Variants in NLGN1 observed in about 807,000 individuals in gnomAD.
NLGN1 encodes the protein neuroligin 1.
NLGN1 carries 12 observed loss-of-function variants against 65.5 expected under a neutral mutation model. The observed-to-expected ratio is 0.18, with a 90% CI of 0.12 to 0.30. The LOEUF is 0.30. Among genes scored for constraint, NLGN1 ranks in the 10% least tolerant of loss-of-function variants. The probability of loss-of-function intolerance (pLI) is 1.00; values close to 1 mark genes in which losing one functional copy is unlikely to be tolerated. For synonymous variants in NLGN1, 350 were observed against 359.5 expected, an observed-to-expected ratio of 0.97 and a Z score of 0.30; for missense variants, 750 against 1,007.1, an observed-to-expected ratio of 0.74 and a Z score of 3.46.
At chr3:173,811,734 A>G (rs1217993355) in intron 4 of NLGN1, among the ~76,000 whole-genome samples, 1 of 152,122 alleles carries the variant, frequency 6.6e-6, no homozygotes, top group East Asian at 1.9e-4. Flanking sequence ...TAAGAATTGA[A>G]AGAGAATATA....
intron 2 of NLGN1, among the ~76,000 whole-genome samples, chr3:173,484,615 G>T (rs1727855688): frequency 6.6e-6 from 1 of 151,940 alleles, no homozygotes; most frequent in African/African-American, 2.4e-5. Context: ...AACTCTAAAA[G>T]GAGAATGAAG....
chr3:174,244,387 C>G (rs536525989), intron 4 of NLGN1, among the ~76,000 whole-genome samples: 1 of 152,094 alleles, frequency 6.6e-6, no homozygotes, highest in East Asian at 1.9e-4. Flanking sequence ...TTTGGGAAAA[C>G]AGTAATTAAG....
chr3:173,870,827 G>A (rs972667990), intron 4 of NLGN1, among the ~76,000 whole-genome samples: 1 of 152,136 alleles, frequency 6.6e-6, no homozygotes, highest in Non-Finnish European at 1.5e-5. Flanking sequence ...CTATTGTGAA[G>A]TCCTGGTGCA....
intron 2 of NLGN1, among the ~76,000 whole-genome samples, chr3:173,462,737 A>G (rs1313112868): frequency 6.6e-6 from 1 of 152,136 alleles, no homozygotes; most frequent in East Asian, 1.9e-4. Flanking sequence ...TTTTGCATGC[A>G]GTGGTTATTA....
chr3:174,266,871 C>T (rs1748354467), intron 4 of NLGN1, among the ~76,000 whole-genome samples: 2 of 151,906 alleles, frequency 1.3e-5, no homozygotes, highest in African/African-American at 4.8e-5. Flanking sequence ...TTCTTGACTT[C>T]ATTTTTTTCA....
chr3:174,264,240 GAT>G (rs1168270080), intron 4 of NLGN1, among the ~76,000 whole-genome samples: 1 of 151,630 alleles, frequency 6.6e-6, no homozygotes, highest in East Asian at 1.9e-4. Flanking sequence ...TGCCTTGCTA[GAT>G]TGGGAAGTTC....
chr3:173,996,759 A>G (rs1373071513), intron 4 of NLGN1, among the ~76,000 whole-genome samples: 1 of 152,224 alleles, frequency 6.6e-6, no homozygotes, highest in Non-Finnish European at 1.5e-5. Flanking sequence ...ATCACTCTGA[A>G]TCAAGGGGAA....
At chr3:174,020,990 TA>T (rs1195478994) in intron 4 of NLGN1, among the ~76,000 whole-genome samples, 1 of 151,984 alleles carries the variant, frequency 6.6e-6, no homozygotes, top group East Asian at 1.9e-4. Flanking sequence ...ATAAGGAGCT[TA>T]ATTCCTTTCT....
At chr3:174,183,668 AGTCTTTTCTGAGAACACACAT>A (rs1730852702) in intron 4 of NLGN1, among the ~76,000 whole-genome samples, 1 of 151,100 alleles carries the variant, frequency 6.6e-6, no homozygotes, top group Admixed American at 6.7e-5. Flanking sequence ...TTACATGTTA[AGTCTTTTCTGAGAACACACAT>A]GTGCACACAT....
chr3:173,746,926 C>T (rs1775475262), intron 3 of NLGN1, among the ~76,000 whole-genome samples: 1 of 151,520 alleles, frequency 6.6e-6, no homozygotes, highest in Admixed American at 6.6e-5. Flanking sequence ...GTGTCTTGCA[C>T]CTTGCATCTG....
chr3:173,569,674 T>G (rs1046600738), intron 2 of NLGN1, among the ~76,000 whole-genome samples: 44 of 152,202 alleles, frequency 2.9e-4, no homozygotes, highest in Middle Eastern at 3.4e-3. Flanking sequence ...TGTTCAAATT[T>G]ATGAATAAAA....
intron 4 of NLGN1, among the ~76,000 whole-genome samples, chr3:174,045,609 T>C (rs1466880491): frequency 6.6e-6 from 1 of 152,192 alleles, no homozygotes; most frequent in Non-Finnish European, 1.5e-5. Flanking sequence ...TTGTGGGAAG[T>C]AACTGAGACA....
chr3:173,612,491 T>G (rs895434336), intron 3 of NLGN1, among the ~76,000 whole-genome samples: 4 of 152,074 alleles, frequency 2.6e-5, no homozygotes, highest in South Asian at 2.1e-4. Flanking sequence ...CAGAGGTTAC[T>G]AATAGTCCTT....
chr3:173,769,874 A>G (rs1324894734), intron 3 of NLGN1, among the ~76,000 whole-genome samples: 1 of 152,146 alleles, frequency 6.6e-6, no homozygotes, highest in Non-Finnish European at 1.5e-5. Flanking sequence ...CCCTTACCTT[A>G]TCCCTCTGGA....
chr3:174,276,554 A>T (rs1226031997), intron 5 of NLGN1, among the ~76,000 whole-genome samples: 2 of 151,892 alleles, frequency 1.3e-5, no homozygotes, highest in African/African-American at 4.8e-5. Context: ...TTTAATTTGT[A>T]AGGTTGAGTT....
intron 4 of NLGN1, among the ~76,000 whole-genome samples, chr3:174,254,305 AATTTTTTTT>A (rs1477347604): frequency 8.8e-6 from 1 of 113,468 alleles, no homozygotes; most frequent in Admixed American, 9.4e-5. Context: ...AGTCCTTTTT[AATTTTTTTT>A]TTTTTTTTTT....
chr3:173,537,037 C>T (rs956627856), intron 2 of NLGN1, among the ~76,000 whole-genome samples: 5 of 152,156 alleles, frequency 3.3e-5, no homozygotes, highest in African/African-American at 9.7e-5. Flanking sequence ...TTGTTCTCTT[C>T]GGGCCTACAG....
intron 1 of NLGN1, among the ~76,000 whole-genome samples, chr3:173,420,892 G>A (rs1366100249): frequency 6.6e-6 from 1 of 152,110 alleles, no homozygotes; most frequent in Non-Finnish European, 1.5e-5. Context: ...TCTATTCATT[G>A]CCATTGCTCT....
At chr3:174,095,407 A>C (rs187288047) in intron 4 of NLGN1, among the ~76,000 whole-genome samples, 22 of 152,056 alleles carry the variant, frequency 1.4e-4, no homozygotes, top group Non-Finnish European at 3.1e-4. Context: ...GTTGTAAAAA[A>C]GTATGCTAAA....
Sources: gnomAD v4.1 joint callset for allele counts (sites outside exome capture counted in the v4.1 genomes callset) on GRCh38, gnomAD v4.1.1 for gene constraint, MANE v1.5 for transcripts, NCBI Gene and HGNC (gene_info 2026-07-23, HGNC 2026-07-21) for gene names.